USH2A: variants seen among roughly 807,000 people sequenced by gnomAD.
USH2A encodes the protein usherin.
USH2A carries 443 observed loss-of-function variants against 538.9 expected under a neutral mutation model. The ratio of observed to expected loss-of-function variants is 0.82; its 90% confidence interval spans 0.76 to 0.89. The LOEUF (loss-of-function observed/expected upper bound fraction) is 0.89. Among genes scored for constraint, USH2A ranks in the 40% least tolerant of loss-of-function variants. USH2A has a pLI of 0.00. For synonymous variants in USH2A, 2,413 were observed against 2,273.5 expected, an observed-to-expected ratio of 1.06 and a Z score of -1.75; for missense variants, 6,633 against 6,324.8, an observed-to-expected ratio of 1.05 and a Z score of -1.65.
chr1:215,836,506 T>TTATATATATATATATAATATATATTA (rs71159885), intron 47 of USH2A, among the ~76,000 whole-genome samples: 1 of 18,314 alleles, frequency 5.5e-5, no homozygotes, highest in Non-Finnish European at 9.7e-5. Context: ...ATAATATATA[T>TTATATATATATATATAATATATATTA]TATATATATA....
intron 29 of USH2A, 63 bp downstream of exon 29, chr1:216,072,826 T>C (rs1475530882): frequency 8.2e-6 from 12 of 1,463,786 alleles, no homozygotes; most frequent in Non-Finnish European, 1.1e-5. Context: ...CTTCCTTTTA[T>C]ATAAATGCAC....
chr1:215,955,807 G>A (rs1189734668), intron 37 of USH2A, among the ~76,000 whole-genome samples: 1 of 152,062 alleles, frequency 6.6e-6, no homozygotes, highest in African/African-American at 2.4e-5. Flanking sequence ...GCTGTTCTTG[G>A]TATATAGAAC....
chr1:215,676,783 C>CG (rs1415115995), intron 62 of USH2A, among the ~76,000 whole-genome samples: 1 of 152,026 alleles, frequency 6.6e-6, no homozygotes, highest in East Asian at 1.9e-4. Context: ...TCTGTGACCC[C>CG]CCAAGCACCC....
chr1:216,406,212 T>G (rs2102766865), intron 3 of USH2A, among the ~76,000 whole-genome samples: 1 of 152,312 alleles, frequency 6.6e-6, no homozygotes, highest in South Asian at 2.1e-4. Context: ...ATAATATTGG[T>G]TATATTAATG....
At chr1:216,392,491 CAAAAAAAAAAAA>C (rs55951311) in intron 3 of USH2A, among the ~76,000 whole-genome samples, 21 of 49,488 alleles carry the variant, frequency 4.2e-4, no homozygotes, top group African/African-American at 1.6e-3. Context: ...GACTCCGTCT[CAAAAAAAAAAAA>C]AAAAAAAAAA....
At chr1:216,205,854 C>A (rs1240630554) in intron 16 of USH2A, among the ~76,000 whole-genome samples, 2 of 152,166 alleles carry the variant, frequency 1.3e-5, no homozygotes, top group South Asian at 2.1e-4. Context: ...CTATTTTTTT[C>A]ATTCTGTCTT....
At chr1:216,180,554 C>T (rs2034473312) in intron 20 of USH2A, among the ~76,000 whole-genome samples, 1 of 151,964 alleles carries the variant, frequency 6.6e-6, no homozygotes, top group African/African-American at 2.4e-5. Flanking sequence ...AGGATAAGAA[C>T]TAAAAGCTGA....
At chr1:215,733,297 G>C (rs1475939436) in intron 60 of USH2A, among the ~76,000 whole-genome samples, 1 of 152,084 alleles carries the variant, frequency 6.6e-6, no homozygotes. Context: ...AGGGCATGGT[G>C]CTACACCATT....
chr1:216,232,161 T>G (rs781131436), intron 13 of USH2A, 25 bp from the exon 14 acceptor site: 1 of 1,588,552 alleles, frequency 6.3e-7, no homozygotes, highest in Admixed American at 1.7e-5. Context: ...ATTAAAAGTT[T>G]TATATATACT....
chr1:216,371,514 T>C (rs968578847), intron 3 of USH2A, among the ~76,000 whole-genome samples: 2 of 152,102 alleles, frequency 1.3e-5, no homozygotes, highest in African/African-American at 4.8e-5. Flanking sequence ...AAATACTGTC[T>C]TTTTTTTCCT....
In USH2A at chr1:216,120,083, T is replaced by C. The variant is rs557049674; in HGVS notation, c.4628-22870A>G. ...AAAAGCAGATACATATTTTTTTCAG[T>C]CATCCAGGATTGCTTAACCTTAAAA... is the stretch of plus-strand genomic sequence containing the variant. On this transcript the variant is annotated intron_variant, in intron 21 of 71. Transcript: ENST00000307340. 3.9e-4 allele frequency among the ~76,000 whole-genome samples: 60 copies of C among 152,152 alleles called. 1 individual carries two copies. Among genetic ancestry groups the C allele is most frequent in the African/African-American group, 1.4e-3 (59 of 41,526 alleles).
At chr1:215,854,918 T>C (rs1664119286) in intron 44 of USH2A, among the ~76,000 whole-genome samples, 1 of 152,190 alleles carries the variant, frequency 6.6e-6, no homozygotes, top group South Asian at 2.1e-4. Flanking sequence ...TTTCTGTTGG[T>C]GCAGCTGCTG....
intron 61 of USH2A, among the ~76,000 whole-genome samples, chr1:215,696,068 C>T (rs1658799067): frequency 6.6e-6 from 1 of 151,966 alleles, no homozygotes; most frequent in Admixed American, 6.6e-5. Context: ...CTTTTGACTC[C>T]CCCGGAACTT....
intron 22 of USH2A, 115 bp from the exon 23 acceptor site, chr1:216,089,254 A>T: frequency 8.8e-7 from 1 of 1,137,098 alleles, no homozygotes; most frequent in Non-Finnish European, 1.3e-6. Context: ...TGATACAAGC[A>T]TGCATACATT....
At chr1:216,145,792 A>T (rs1403990814) in intron 21 of USH2A, among the ~76,000 whole-genome samples, 1 of 152,148 alleles carries the variant, frequency 6.6e-6, no homozygotes, top group Non-Finnish European at 1.5e-5. Context: ...TTACCTCGTG[A>T]AAGTCCTTCT....
intron 34 of USH2A, 58 bp from the exon 35 acceptor site, chr1:215,993,225 A>T: frequency 1.2e-6 from 2 of 1,613,202 alleles, no homozygotes; most frequent in Non-Finnish European, 8.5e-7. Flanking sequence ...TTTCATGAAC[A>T]TTGAGGAAAG....
chr1:215,997,765 T>G (rs768925705), intron 34 of USH2A, among the ~76,000 whole-genome samples: 7 of 152,164 alleles, frequency 4.6e-5, no homozygotes, highest in African/African-American at 7.2e-5. Context: ...ACCATTATTT[T>G]GAAAATAGTT....
In USH2A at chr1:216,323,487, T is replaced by C; in HGVS notation, c.1537A>G (p.Thr513Ala). 1 of 1,613,398 alleles carries C rather than the reference T, an allele frequency of 6.2e-7. No homozygotes were observed. Among genetic ancestry groups the C allele is most frequent in the African/African-American group, 1.3e-5 (1 of 74,978 alleles). Residue 513 changes from threonine (T) to alanine (A), a missense_variant, in exon 8 of 72, where the codon ACC becomes GCC. Physicochemically the swap from Thr to Ala is moderately conservative, Grantham distance 58. Transcript: ENST00000307340. ...TCATAATAATACCTCCCACTAATGG[T>C]GATTTCGTCCACTGCATAATATCTG... ...RHRYYAVDEI[T>A]ISGRCQCHGH...
intron 3 of USH2A, among the ~76,000 whole-genome samples, chr1:216,388,052 T>C (rs2039035277): frequency 6.6e-6 from 1 of 152,182 alleles, no homozygotes; most frequent in Non-Finnish European, 1.5e-5. Flanking sequence ...AAAAAAGTCC[T>C]TGCCCAGGAC....
Sources: allele counts gnomAD v4.1 joint callset (sites outside exome capture counted in the v4.1 genomes callset), GRCh38; gene constraint gnomAD v4.1.1; transcripts MANE v1.5; gene names NCBI Gene and HGNC (gene_info 2026-07-23, HGNC 2026-07-21).